Variants in FHIP1A observed in about 807,000 individuals in gnomAD.
The protein encoded by FHIP1A is FHF complex subunit HOOK-interacting protein 1A.
In FHIP1A, 61 loss-of-function variants were observed where a neutral mutation model predicts 88.6. The observed-to-expected ratio is 0.69, with a 90% CI of 0.56 to 0.85. The LOEUF is 0.85. Ranked by LOEUF, FHIP1A falls within the 40% of genes least tolerant of loss-of-function variation. FHIP1A has a pLI of 0.00. For synonymous variants in FHIP1A, 478 were observed against 496.0 expected (o/e 0.96, Z 0.48); for missense variants, 1,154 against 1,273.5 (o/e 0.91, Z 1.43).
At chr4:151,662,457 A>C in intron 13 of FHIP1A, 44 bp from the exon 14 acceptor site, 1 of 1,466,950 alleles carries the variant, frequency 6.8e-7, no homozygotes, top group Non-Finnish European at 9.0e-7. Flanking sequence ...GGTGGATTAG[A>C]AGGCTATGGA....
At chr4:151,525,665 A>C (rs1288645819) in intron 3 of FHIP1A, among the ~76,000 whole-genome samples, 1 of 152,154 alleles carries the variant, frequency 6.6e-6, no homozygotes. Flanking sequence ...CTTTCCATTT[A>C]ATCAATTTAA....
rs190373830 is a variant in FHIP1A at position 151,470,266 on chromosome 4, A to G, written c.-247-12258A>G. ...TATTTAATTTATTTTTACTTTGCAA[A>G]TGTGTTATGTCTATGATTTAGTCAA... On this transcript the variant is annotated intron_variant, in intron 2 of 13. Coordinates refer to ENST00000435205, the MANE Select transcript of FHIP1A (RefSeq NM_001109977.3). Among the ~76,000 whole-genome samples the G allele has an allele frequency of 2.1e-4, 32 of 152,304 alleles. No homozygotes were observed. In the East Asian group the frequency reaches 6.2e-3, roughly 29 times the overall value.
intron 8 of FHIP1A, among the ~76,000 whole-genome samples, chr4:151,630,607 G>A (rs1243020927): frequency 6.6e-6 from 1 of 151,738 alleles, no homozygotes; most frequent in Non-Finnish European, 1.5e-5. Context: ...CAACCACTAA[G>A]AAAATAACTA....
intron 3 of FHIP1A, among the ~76,000 whole-genome samples, chr4:151,550,081 A>G (rs1443401861): frequency 6.6e-6 from 1 of 152,012 alleles, no homozygotes; most frequent in Non-Finnish European, 1.5e-5. Context: ...GCCTGTTTAT[A>G]TTTTTAAGTT....
intron 4 of FHIP1A, among the ~76,000 whole-genome samples, chr4:151,569,872 T>G (rs1312688729): frequency 6.6e-6 from 1 of 152,176 alleles, no homozygotes. Context: ...GGTTCCCAAC[T>G]GCTTCTGGGT....
chr4:151,658,906 G>A (rs28595853), intron 13 of FHIP1A, among the ~76,000 whole-genome samples: 5,292 of 152,192 alleles, frequency 0.035, 310 homozygotes, highest in African/African-American at 0.12. Flanking sequence ...GCCTGAGCCC[G>A]TCTTAGCTAA....
At chr4:151,571,499 A>G (rs1733601724) in intron 4 of FHIP1A, among the ~76,000 whole-genome samples, 1 of 152,200 alleles carries the variant, frequency 6.6e-6, no homozygotes, top group Non-Finnish European at 1.5e-5. Flanking sequence ...TTCCCACAAA[A>G]ATGAAAAACA....
chr4:151,415,386 C>A (rs1732851559), intron 1 of FHIP1A, among the ~76,000 whole-genome samples: 1 of 152,086 alleles, frequency 6.6e-6, no homozygotes, highest in African/African-American at 2.4e-5. Flanking sequence ...AGGGTTTGGC[C>A]AGGTTGGTCT....
intron 6 of FHIP1A, among the ~76,000 whole-genome samples, 200 bp downstream of exon 6, chr4:151,586,999 A>G (rs1334178951): frequency 6.6e-6 from 1 of 152,196 alleles, no homozygotes; most frequent in East Asian, 1.9e-4. Context: ...TGAGAAAAAA[A>G]ATGAGTAGAT....
At position 151,656,136 on chromosome 4, in the gene FHIP1A, T is replaced by G. The variant is rs1578870161; in HGVS notation, c.2552-96T>G. ...CTGGCTTGCACCTGTGGGCCCATGG[T>G]GGTTTGGGAGATGTGGCACCGATGG... On this transcript the variant is annotated intron_variant, in intron 11 of 13. Transcript: ENST00000435205. This position sits in a 1 kb window ranked among gnomAD's most constrained non-coding sequence, Gnocchi z 4.2. 1 of 966,638 alleles carries G rather than the reference T, an allele frequency of 1.0e-6. No homozygotes were observed. The allele number at this position is 966,638 out of a possible 1,614,324, so 59.9% of individuals were successfully genotyped here.
At chr4:151,624,758 G>A (rs1472173634) in intron 7 of FHIP1A, among the ~76,000 whole-genome samples, 1 of 152,116 alleles carries the variant, frequency 6.6e-6, no homozygotes, top group Non-Finnish European at 1.5e-5. Flanking sequence ...CTGGCCTCTG[G>A]CGGTGCTAGC....
chr4:151,656,633 T>C lies in FHIP1A; in HGVS notation c.2731-127T>C, dbSNP rs1226886266. 2 of 1,157,522 alleles carry C rather than the reference T, an allele frequency of 1.7e-6. No individual in the cohort carries two copies. Among genetic ancestry groups the C allele is most frequent in the Non-Finnish European group, 2.4e-6 (2 of 824,988 alleles). 71.7% of individuals were successfully genotyped at this position (1,157,522 alleles called of 1,614,324 possible). On this transcript the variant is annotated intron_variant, in intron 12 of 13. Coordinates refer to ENST00000435205, the MANE Select transcript of FHIP1A (RefSeq NM_001109977.3). The surrounding 1 kb of genome is among the most constrained non-coding windows in gnomAD (Gnocchi z 4.2). ...GCCCTACGCAGAACACCCAGGCAGT[T>C]AAAAATGAACAAATGTCTAACATCA...
intron 7 of FHIP1A, among the ~76,000 whole-genome samples, chr4:151,609,883 C>CA (rs369513442): frequency 3.7e-4 from 54 of 144,206 alleles, no homozygotes; most frequent in South Asian, 1.1e-3. Flanking sequence ...AATGCTGTGC[C>CA]AAAAAAAAAC....
chr4:151,550,057 G>A (rs1309031529), intron 3 of FHIP1A, among the ~76,000 whole-genome samples: 1 of 151,910 alleles, frequency 6.6e-6, no homozygotes, highest in Non-Finnish European at 1.5e-5. Flanking sequence ...CAGGTTGTTG[G>A]TATTTATTTG....
At chr4:151,457,210 T>A (rs1457307791) in intron 2 of FHIP1A, among the ~76,000 whole-genome samples, 1 of 152,248 alleles carries the variant, frequency 6.6e-6, no homozygotes, top group Non-Finnish European at 1.5e-5. Context: ...TTATTAGTTA[T>A]GTCCTTTTAT....
Position 151,649,585 on chromosome 4 carries a change from T to G in FHIP1A, c.1544T>G (p.Met515Arg). ...WEAHTNILRC[M>R]RDCRVWSALY... ...GCCCACACCAACATCCTCCGCTGCA[T>G]GAGGGACTGCCGTGTCTGGTCCGCC... Residue 515 changes from methionine (M) to arginine (R), a missense_variant, in exon 11 of 14, where the codon ATG becomes AGG. Transcript: ENST00000435205. The G allele has an allele frequency of 6.4e-7, 1 of 1,551,716 alleles. No individual in the cohort carries two copies. Among genetic ancestry groups the G allele is most frequent in the Non-Finnish European group, 8.7e-7 (1 of 1,146,982 alleles).
chr4:151,455,641 G>GGCATTTT (rs1200120061), intron 2 of FHIP1A, among the ~76,000 whole-genome samples: 1 of 152,176 alleles, frequency 6.6e-6, no homozygotes, highest in African/African-American at 2.4e-5. Flanking sequence ...TTCCTTCAGT[G>GGCATTTT]CTGTGGGTAT....
rs545020629 is a variant in FHIP1A, at chr4:151,665,956, G to A, written c.*3202G>A. On this transcript the variant is annotated 3_prime_UTR_variant, in exon 14 of 14. Coordinates refer to ENST00000435205, the MANE Select transcript of FHIP1A (RefSeq NM_001109977.3). ...GGTACCGCCCGCTGGCGCAGCCCCTGAGCTGGCGTCACTGCGTCTGGCCTG... is the reference window on the plus strand; with the variant it reads ...GGTACCGCCCGCTGGCGCAGCCCCTAAGCTGGCGTCACTGCGTCTGGCCTG... Among the ~76,000 whole-genome samples, 2 of 152,338 alleles carry A rather than the reference G, an allele frequency of 1.3e-5. No homozygotes were observed. Among genetic ancestry groups the A allele is most frequent in the South Asian group, 4.1e-4 (2 of 4,824 alleles).
Position 151,629,722 on chromosome 4 carries a change from GACC to G in FHIP1A, c.1002_1004del (p.Thr336del), listed in dbSNP as rs1385188665. The stretch of plus-strand genomic sequence containing the variant: ...CCTAGGTGACTGTGGAAGAGGTCAT[GACC>G]ACAACTGCATATCTGGACCTTTTCC... On this transcript the variant is annotated inframe_deletion, in exon 8 of 14. Coordinates refer to ENST00000435205, the MANE Select transcript of FHIP1A (RefSeq NM_001109977.3). 3.2e-6 allele frequency: 5 copies of G among 1,551,130 alleles called. No individual in the cohort carries two copies. In the Admixed American group the frequency reaches 7.8e-5, roughly 24 times the overall value.
Sources: allele counts gnomAD v4.1 joint callset (sites outside exome capture counted in the v4.1 genomes callset), GRCh38; gene constraint gnomAD v4.1.1; non-coding constraint Gnocchi (gnomAD v3.1); transcripts MANE v1.5; gene names NCBI Gene and HGNC (gene_info 2026-07-23, HGNC 2026-07-21).